Variants in AK9 observed in about 807,000 individuals in gnomAD.
AK9 encodes the protein adenylate kinase 9.
In AK9, 191 loss-of-function variants were observed where a neutral mutation model predicts 239.6. That is an observed-to-expected ratio of 0.80 (90% CI 0.71 to 0.90). The LOEUF (loss-of-function observed/expected upper bound fraction) is 0.90. Ranked by LOEUF, AK9 falls within the 40% of genes least tolerant of loss-of-function variation. AK9 has a pLI of 0.00. For synonymous variants in AK9, 689 were observed against 721.0 expected, an observed-to-expected ratio of 0.96 and a Z score of 0.71; for missense variants, 1,995 against 2,214.7, an observed-to-expected ratio of 0.90 and a Z score of 1.99.
chr6:109,643,989 T>G (rs1009729317), intron 9 of AK9, among the ~76,000 whole-genome samples: 1 of 152,198 alleles, frequency 6.6e-6, no homozygotes, highest in Non-Finnish European at 1.5e-5. Flanking sequence ...TGTAATACCA[T>G]GCATGTGTAT....
intron 17 of AK9, among the ~76,000 whole-genome samples, chr6:109,604,315 C>T (rs912459348): frequency 6.6e-6 from 1 of 152,142 alleles, no homozygotes; most frequent in Admixed American, 6.5e-5. Context: ...GAATCCTTGA[C>T]CATTCCAAAT....
At chr6:109,619,931 C>A (rs1181338913) in intron 12 of AK9, among the ~76,000 whole-genome samples, 1 of 152,086 alleles carries the variant, frequency 6.6e-6, no homozygotes, top group East Asian at 1.9e-4. Flanking sequence ...AGTATGTGAT[C>A]TTTTTCAGGT....
chr6:109,637,621 T>G (rs1249521744), intron 10 of AK9, among the ~76,000 whole-genome samples: 1 of 152,190 alleles, frequency 6.6e-6, no homozygotes, highest in Non-Finnish European at 1.5e-5. Flanking sequence ...ACCCTAGAAA[T>G]TCTGTTTTAA....
intron 17 of AK9, among the ~76,000 whole-genome samples, 182 bp from the exon 18 acceptor site, chr6:109,586,254 A>G (rs1789494427): frequency 6.6e-6 from 1 of 152,202 alleles, no homozygotes; most frequent in Admixed American, 6.5e-5. Flanking sequence ...GTAAGTTTAA[A>G]AAGTTAAGAA....
Position 109,659,245 on chromosome 6 carries a change from C to G in AK9, c.613G>C (p.Glu205Gln), listed in dbSNP as rs1800098144. 4 of 1,578,962 alleles carry G rather than the reference C, an allele frequency of 2.5e-6. No homozygotes were observed. The East Asian group carries it at 9.1e-5, about 36-fold the overall frequency. ...GATATTACCTCTTCTTCTTCTTGCT[C>G]TTCTTCCTCTTCTTCCTCTTCTCCT... ...GKGEEEEEEEEQEEEEAFIAE... is the reference protein window; with the variant it reads ...GKGEEEEEEEQQEEEEAFIAE... Residue 205 changes from glutamate (E) to glutamine (Q), a missense_variant, in exon 7 of 41, where the codon GAG (glutamate) becomes CAG (glutamine). Around this residue, in one of 5 missense-constraint regions of AK9, gnomAD observed 252 missense variants for 246.4 expected, o/e 1.02. Transcript: ENST00000424296.
intron 17 of AK9, among the ~76,000 whole-genome samples, chr6:109,596,776 T>C (rs908088989): frequency 3.3e-5 from 5 of 152,216 alleles, no homozygotes; most frequent in Non-Finnish European, 7.3e-5. Flanking sequence ...TTCCATATCA[T>C]TGCTATTAAT....
rs574865504 is a variant in AK9 at position 109,538,668 on chromosome 6, T to G, written c.3350+3379A>C. Among the ~76,000 whole-genome samples, 466 of 152,178 alleles carry G rather than the reference T, an allele frequency of 3.1e-3. 7 individuals carry two copies. The highest frequency in any genetic ancestry group is 0.011 in the African/African-American group (454 of 41,392). Reference sequence around the variant, plus strand: ...TCATTATGATATTAGCTGGTTATTTTGCTCGTTAGTTGATGCAGTTTCTTC... The same window carrying G: ...TCATTATGATATTAGCTGGTTATTTGGCTCGTTAGTTGATGCAGTTTCTTC... On this transcript the variant is annotated intron_variant, in intron 27 of 40. Coordinates refer to ENST00000424296, the MANE Select transcript of AK9 (RefSeq NM_001145128.3).
At chr6:109,645,690 C>A (rs13195462) in intron 8 of AK9, among the ~76,000 whole-genome samples, 3 of 152,104 alleles carry the variant, frequency 2.0e-5, no homozygotes, top group Admixed American at 6.5e-5. Flanking sequence ...TGTCTGACAG[C>A]TTTGAAGACA....
At chr6:109,638,965 T>C (rs1485544055) in intron 10 of AK9, among the ~76,000 whole-genome samples, 1 of 152,228 alleles carries the variant, frequency 6.6e-6, no homozygotes, top group Non-Finnish European at 1.5e-5. Flanking sequence ...TCCATGTCCC[T>C]GCAAAGGACA....
Position 109,497,362 on chromosome 6 carries a change from A to ACACACACT in AK9, c.5315+102_5315+103insAGTGTGTG, listed in dbSNP as rs1554230922. 1.9e-4 allele frequency: 96 copies of ACACACACT among 500,512 alleles called. No individual in the cohort carries two copies. In the African/African-American group the frequency reaches 2.4e-3, roughly 13 times the overall value. The allele number at this position is 500,512 out of a possible 1,614,324, so 31.0% of individuals were successfully genotyped here. A position where few individuals can be genotyped will look rare whatever the true frequency, so the allele number is the denominator to read the frequency against. ...CACACACACACACACACACACACAC[A>ACACACACT]CTCTCTCTCTCTCTCTCTCTCTCAC... On this transcript the variant is annotated intron_variant, in intron 38 of 40. Transcript: ENST00000424296.
At chr6:109,651,304 G>A (rs1798906675) in intron 8 of AK9, among the ~76,000 whole-genome samples, 2 of 151,704 alleles carry the variant, frequency 1.3e-5, no homozygotes, top group Admixed American at 1.3e-4. Flanking sequence ...TGAACAACCT[G>A]CTTCTGAATG....
Position 109,497,980 on chromosome 6 carries a change from T to C in AK9, c.5047-15A>G. 1 of 1,611,682 alleles carries C rather than the reference T, an allele frequency of 6.2e-7. No individual in the cohort carries two copies. Among genetic ancestry groups the C allele is most frequent in the East Asian group, 2.2e-5 (1 of 44,826 alleles). On this transcript the variant is annotated splice_polypyrimidine_tract_variant and intron_variant, in intron 36 of 40. Coordinates refer to ENST00000424296, the MANE Select transcript of AK9 (RefSeq NM_001145128.3). ...TCCAAGAATTTCTATTAAAAAAGAA[T>C]TCCAGTAGCAACATGATTTAAACCA...
rs565890970 is a variant in AK9 at position 109,516,111 on chromosome 6, T to C, written c.3847-36A>G. The C allele has an allele frequency of 3.8e-5, 57 of 1,491,044 alleles. No individual in the cohort carries two copies. The East Asian group carries it at 1.4e-3, about 36-fold the overall frequency. The allele number at this position is 1,491,044 out of a possible 1,614,324, so 92.4% of individuals were successfully genotyped here. A position where few individuals can be genotyped will look rare whatever the true frequency, so the allele number is the denominator to read the frequency against. ...AAGTCATAAAAACAAATATATTTAG[T>C]GAGAAAAAGGCTGGTAGTATTTAGT... On this transcript the variant is annotated intron_variant, in intron 30 of 40. Transcript: ENST00000424296.
intron 5 of AK9, among the ~76,000 whole-genome samples, chr6:109,671,449 G>A (rs1234366795): frequency 6.6e-6 from 1 of 152,172 alleles, no homozygotes; most frequent in Non-Finnish European, 1.5e-5. Flanking sequence ...AGAGGTTTCA[G>A]GTCCAGAGTC....
intron 12 of AK9, among the ~76,000 whole-genome samples, chr6:109,630,417 A>C (rs1198585178): frequency 6.6e-6 from 1 of 152,280 alleles, no homozygotes; most frequent in Non-Finnish European, 1.5e-5. Context: ...CAAAGGGCTA[A>C]GAATAGCCAA....
intron 17 of AK9, among the ~76,000 whole-genome samples, chr6:109,597,240 T>C (rs1791160829): frequency 6.6e-6 from 1 of 152,236 alleles, no homozygotes; most frequent in Non-Finnish European, 1.5e-5. Context: ...TCAATTTTCA[T>C]ACTTCCTAAC....
chr6:109,675,190 C>T (rs370248766), intron 2 of AK9, among the ~76,000 whole-genome samples: 2 of 152,116 alleles, frequency 1.3e-5, no homozygotes, highest in East Asian at 3.8e-4. Flanking sequence ...GTTTCATATG[C>T]AAATCAAGTC....
At chr6:109,689,113 T>A (rs910557795) in intron 1 of AK9, among the ~76,000 whole-genome samples, 2 of 152,132 alleles carry the variant, frequency 1.3e-5, no homozygotes, top group Non-Finnish European at 2.9e-5. Context: ...TCTAGAATGA[T>A]GTTAGAGGAA....
chr6:109,644,885 T>C (rs1797850410), intron 8 of AK9, among the ~76,000 whole-genome samples, 197 bp from the exon 9 acceptor site: 1 of 152,216 alleles, frequency 6.6e-6, no homozygotes, highest in Non-Finnish European at 1.5e-5. Context: ...GAATTTTATT[T>C]TCCTGTTTAA....
Sources: allele counts gnomAD v4.1 joint callset (sites outside exome capture counted in the v4.1 genomes callset), GRCh38; gene constraint gnomAD v4.1.1; regional missense constraint gnomAD v4.1.1; transcripts MANE v1.5; gene names NCBI Gene and HGNC (gene_info 2026-07-23, HGNC 2026-07-21).